Variants in CPNE9 observed in about 807,000 individuals in gnomAD.
The protein encoded by CPNE9 is copine family member 9, also known as copine-9.
Under a neutral mutation model 83.0 loss-of-function variants are expected in CPNE9, and 59 were observed. That is an observed-to-expected ratio of 0.71 (90% confidence interval 0.58 to 0.88). CPNE9 has a LOEUF of 0.88. CPNE9 is among the 40% of genes least tolerant of loss of function. The pLI is 0.00. For synonymous variants in CPNE9, 256 were observed against 273.4 expected, an observed-to-expected ratio of 0.94 and a Z score of 0.63; for missense variants, 619 against 720.8, an observed-to-expected ratio of 0.86 and a Z score of 1.62.
At chr3:9,705,419 T>TACCCCCCCCC in intron 4 of CPNE9, 45 bp from the exon 5 acceptor site, 7 of 662,584 alleles carry the variant, frequency 1.1e-5, no homozygotes, top group East Asian at 6.0e-5. Flanking sequence ...TTCCACCCTC[T>TACCCCCCCCC]CCCCCACCCA....
chr3:9,709,472 G>A (rs1194310094), intron 7 of CPNE9, among the ~76,000 whole-genome samples: 2 of 149,292 alleles, frequency 1.3e-5, no homozygotes, highest in South Asian at 2.2e-4. Context: ...GGGTTCAAGC[G>A]ATTCTCCTGC....
chr3:9,704,500 G>T lies in CPNE9; in HGVS notation c.69-87G>T, dbSNP rs2076540055. 2 of 1,159,494 alleles carry T rather than the reference G, an allele frequency of 1.7e-6. No individual in the cohort carries two copies. The highest frequency in any genetic ancestry group is 2.6e-6 in the Non-Finnish European group (2 of 765,354). 71.8% of individuals were successfully genotyped at this position (1,159,494 alleles called of 1,614,324 possible). A position where few individuals can be genotyped will look rare whatever the true frequency, so the allele number is the denominator to read the frequency against. On this transcript the variant is annotated intron_variant, in intron 1 of 20. Coordinates refer to ENST00000383832, the MANE Select transcript of CPNE9 (RefSeq NM_153635.3). The surrounding 1 kb of genome is among the most constrained non-coding windows in gnomAD (Gnocchi z 7.1). ...GACAGAGGTTCGATGCGGGCCCCAT[G>T]CCTCTCCTCAGTGCCCGGCTCAGAG... is the stretch of plus-strand genomic sequence containing the variant.
intron 17 of CPNE9, among the ~76,000 whole-genome samples, chr3:9,722,259 A>G (rs557737250): frequency 6.6e-6 from 1 of 151,480 alleles, no homozygotes; most frequent in East Asian, 1.9e-4. Flanking sequence ...CCTACCTTAT[A>G]GAATGGCGGT....
In CPNE9 at chr3:9,713,014, G is replaced by A. The variant is rs756393346; in HGVS notation, c.585G>A (p.Thr195=). The change falls in exon 10 of 21, where the codon ACG becomes ACA. Residue 195 remains threonine (T), a synonymous_variant. Transcript: ENST00000383832. ...ACAAGACAGAGGTTGTGAAAAACAC[G>A]CTGAATCCTGTGTGGCAGCCCTTCA... The part of the protein sequence containing the change: ...ICHKTEVVKN[T]LNPVWQPFSI... 34 of 1,614,058 alleles carry A rather than the reference G, an allele frequency of 2.1e-5. No homozygotes were observed. Among genetic ancestry groups the A allele is most frequent in the South Asian group, 1.3e-4 (12 of 91,082 alleles).
Position 9,704,459 on chromosome 3 carries a change from G to A in CPNE9, c.69-128G>A, listed in dbSNP as rs900906914. On this transcript the variant is annotated intron_variant, in intron 1 of 20. Coordinates refer to ENST00000383832, the MANE Select transcript of CPNE9 (RefSeq NM_153635.3). This position sits in a 1 kb window ranked among gnomAD's most constrained non-coding sequence, Gnocchi z 7.1. ...AGTGCTGACAGAGCGGACCCCGGCT[G>A]GGGGTAGCCATGGGGGACAGAGGTT... 5.2e-5 allele frequency: 43 copies of A among 834,260 alleles called. No homozygotes were observed. The highest frequency in any genetic ancestry group is 7.8e-5 in the Non-Finnish European group (37 of 473,994). 51.7% of individuals were successfully genotyped at this position (834,260 alleles called of 1,614,324 possible).
intron 17 of CPNE9, 30 bp downstream of exon 17, chr3:9,718,632 A>G: frequency 1.9e-6 from 3 of 1,607,444 alleles, no homozygotes; most frequent in Non-Finnish European, 2.6e-6. Flanking sequence ...GCTGGGGGAA[A>G]TGAGGGGACC....
rs1390525229 is a variant in CPNE9 at position 9,704,768 on chromosome 3, G to A, written c.129G>A (p.Gln43=). Residue 43 remains glutamine, a synonymous_variant, in exon 3 of 21, where the codon CAG becomes CAA. Transcript: ENST00000383832. This position sits in a 1 kb window ranked among gnomAD's most constrained non-coding sequence, Gnocchi z 7.1. The stretch of plus-strand genomic sequence containing the variant: ...CTGCAGTGGTGGTGCTTTACACGCA[G>A]AGCCGGGCCAGCCAGGAGTGGCGGG... The part of the protein sequence containing the change: ...KSDPMVVLYT[Q]SRASQEWREF... The A allele has an allele frequency of 2.5e-6, 4 of 1,612,014 alleles. No homozygotes were observed. Among genetic ancestry groups the A allele is most frequent in the Middle Eastern group, 1.8e-4 (1 of 5,636 alleles).
chr3:9,704,511 G>A lies in CPNE9; in HGVS notation c.69-76G>A. On this transcript the variant is annotated intron_variant, in intron 1 of 20. Transcript: ENST00000383832. This position sits in a 1 kb window ranked among gnomAD's most constrained non-coding sequence, Gnocchi z 7.1. ...GATGCGGGCCCCATGCCTCTCCTCA[G>A]TGCCCGGCTCAGAGCCGACTCGAGG... 7.7e-7 allele frequency: 1 copy of A among 1,305,020 alleles called. No individual in the cohort carries two copies. The highest frequency in any genetic ancestry group is 1.1e-6 in the Non-Finnish European group (1 of 898,010). 80.8% of individuals were successfully genotyped at this position (1,305,020 alleles called of 1,614,324 possible). A position where few individuals can be genotyped will look rare whatever the true frequency, so the allele number is the denominator to read the frequency against.
At chr3:9,717,165 G>C (rs888155420) in intron 15 of CPNE9, 61 bp downstream of exon 15, 5 of 1,566,102 alleles carry the variant, frequency 3.2e-6, no homozygotes, top group Non-Finnish European at 3.5e-6. Flanking sequence ...GAGTCATTAG[G>C]AGTTGGCCTG....
In CPNE9 at chr3:9,704,930, G is replaced by A. The variant is rs1406882185; in HGVS notation, c.196G>A (p.Asp66Asn). ...GGTGATTGATAACACGCTGAACCCA[G>A]ACTTCGTGCGCAAATTCGTCCTCGA... ...TEVIDNTLNP[D>N]FVRKFVLDYF... The change falls in exon 4 of 21, where the codon GAC becomes AAC. Residue 66 changes from aspartate to asparagine, a missense_variant. Physicochemically the swap from Asp to Asn is conservative, Grantham distance 23. Coordinates refer to ENST00000383832, the MANE Select transcript of CPNE9 (RefSeq NM_153635.3). This position sits in a 1 kb window ranked among gnomAD's most constrained non-coding sequence, Gnocchi z 7.1. The A allele has an allele frequency of 1.2e-6, 2 of 1,613,526 alleles. No homozygotes were observed. The highest frequency in any genetic ancestry group is 8.5e-7 in the Non-Finnish European group (1 of 1,179,932).
chr3:9,704,072 G>A lies in CPNE9; in HGVS notation c.68+8G>A. On this transcript the variant is annotated splice_region_variant and intron_variant, in intron 1 of 20. Transcript: ENST00000383832. This position sits in a 1 kb window ranked among gnomAD's most constrained non-coding sequence, Gnocchi z 7.1. ...AATTACCGTGTCCTGCCGGTGAGCG[G>A]GCCGCGCTGGGGAGGGCTTAGGCAC... 1 of 1,603,064 alleles carries A rather than the reference G, an allele frequency of 6.2e-7. No homozygotes were observed. The highest frequency in any genetic ancestry group is 8.5e-7 in the Non-Finnish European group (1 of 1,175,994).
Position 9,704,172 on chromosome 3 carries a change from T to C in CPNE9, c.68+108T>C. ...CTAGACCCCCGGGGAGAGGCGAAAT[T>C]GGCTGGAAAATCACAGCTGATGACA... On this transcript the variant is annotated intron_variant, in intron 1 of 20. Coordinates refer to ENST00000383832, the MANE Select transcript of CPNE9 (RefSeq NM_153635.3). This position sits in a 1 kb window ranked among gnomAD's most constrained non-coding sequence, Gnocchi z 7.1. The C allele has an allele frequency of 9.4e-7, 1 of 1,061,170 alleles. No homozygotes were observed. Among genetic ancestry groups the C allele is most frequent in the Non-Finnish European group, 1.4e-6 (1 of 734,356 alleles). The allele number at this position is 1,061,170 out of a possible 1,614,324, so 65.7% of individuals were successfully genotyped here. A position where few individuals can be genotyped will look rare whatever the true frequency, so the allele number is the denominator to read the frequency against.
intron 5 of CPNE9, 44 bp from the exon 6 acceptor site, chr3:9,705,674 C>T: frequency 2.5e-6 from 4 of 1,613,228 alleles, no homozygotes; most frequent in Non-Finnish European, 3.4e-6. Context: ...GCCCCCTACT[C>T]ACTGTTCCTC....
intron 7 of CPNE9, among the ~76,000 whole-genome samples, chr3:9,711,913 G>A (rs1226125283): frequency 1.3e-5 from 2 of 152,088 alleles, no homozygotes; most frequent in African/African-American, 4.8e-5. Context: ...TTGTCCCTGG[G>A]TCTGGACAGA....
chr3:9,725,630 GTA>G (rs1166850746), intron 17 of CPNE9, among the ~76,000 whole-genome samples: 2 of 135,218 alleles, frequency 1.5e-5, no homozygotes, highest in African/African-American at 3.0e-5. Flanking sequence ...GTATATATAT[GTA>G]TATACATGTA....
intron 17 of CPNE9, among the ~76,000 whole-genome samples, chr3:9,725,596 GTGTATA>G (rs1356473982): frequency 6.8e-6 from 1 of 146,764 alleles, no homozygotes; most frequent in East Asian, 1.9e-4. Flanking sequence ...GTATATATAT[GTGTATA>G]TGTATGTGTA....
chr3:9,705,120 A>C, intron 4 of CPNE9, 126 bp downstream of exon 4: 1 of 741,088 alleles, frequency 1.3e-6, no homozygotes, highest in Admixed American at 2.0e-5. Flanking sequence ...CCCATTCTGA[A>C]TGGCCCCCTC....
In CPNE9 at chr3:9,704,226, G is replaced by T. The variant is rs1575112549; in HGVS notation, c.68+162G>T. The stretch of plus-strand genomic sequence containing the variant: ...CGAGTAGCTGGTGGGATCGAGAAGC[G>T]GGGGGTCTTGGGCAGCCCCACCCCG... On this transcript the variant is annotated intron_variant, in intron 1 of 20. Coordinates refer to ENST00000383832, the MANE Select transcript of CPNE9 (RefSeq NM_153635.3). The surrounding 1 kb of genome is among the most constrained non-coding windows in gnomAD (Gnocchi z 7.1). 6.6e-6 allele frequency among the ~76,000 whole-genome samples: 1 copy of T among 152,176 alleles called. No homozygotes were observed. Among genetic ancestry groups the T allele is most frequent in the East Asian group, 1.9e-4 (1 of 5,180 alleles).
intron 4 of CPNE9, 22 bp from the exon 5 acceptor site, chr3:9,705,442 A>ACCC: frequency 1.8e-6 from 1 of 559,494 alleles, no homozygotes; most frequent in Non-Finnish European, 2.9e-6. Context: ...CCCACCCCAC[A>ACCC]CCGGTTCCAC....
Sources: gnomAD v4.1 joint callset for allele counts (sites outside exome capture counted in the v4.1 genomes callset) on GRCh38, gnomAD v4.1.1 for gene constraint, Gnocchi (gnomAD v3.1) non-coding constraint, MANE v1.5 for transcripts, NCBI Gene and HGNC (gene_info 2026-07-23, HGNC 2026-07-21) for gene names.